FRY: variants seen among roughly 807,000 people sequenced by gnomAD.
The protein encoded by FRY is protein furry homolog.
A neutral mutation model predicts 348.4 loss-of-function variants in FRY; 128 were observed. That is an observed-to-expected ratio of 0.37 (90% CI 0.32 to 0.43). The LOEUF is 0.43. Among genes scored for constraint, FRY ranks in the 20% least tolerant of loss-of-function variants. FRY has a pLI of 1.00. For missense variants in FRY, 2,736 were observed against 3,695.2 expected, an observed-to-expected ratio of 0.74 and a Z score of 6.73; for synonymous variants, 1,370 against 1,374.7, an observed-to-expected ratio of 1.00 and a Z score of 0.08.
At chr13:32,228,231 C>T (rs1885703084) in intron 39 of FRY, among the ~76,000 whole-genome samples, 1 of 152,182 alleles carries the variant, frequency 6.6e-6, no homozygotes, top group Non-Finnish European at 1.5e-5. Context: ...CAGCAGATCA[C>T]CTCCTATTCC....
chr13:32,134,319 A>G (rs2138771084), intron 8 of FRY, among the ~76,000 whole-genome samples: 1 of 152,320 alleles, frequency 6.6e-6, no homozygotes, highest in South Asian at 2.1e-4. Context: ...TTCTTAAGGA[A>G]CCCTTCTAAA....
rs754413786 is a variant in FRY at position 32,108,373 on chromosome 13, G to A, written c.324+6357G>A. ...GAAGATAGGAAATTTCAGAAGAAAGGAACATTTTATGCAAAGGTCCTGAAC... is the reference window on the plus strand; with the variant it reads ...GAAGATAGGAAATTTCAGAAGAAAGAAACATTTTATGCAAAGGTCCTGAAC... On this transcript the variant is annotated intron_variant, in intron 3 of 60. Transcript: ENST00000542859. Among the ~76,000 whole-genome samples the A allele has an allele frequency of 3.9e-4, 60 of 152,186 alleles. 1 individual carries two copies. Among genetic ancestry groups the A allele is most frequent in the Admixed American group, 3.3e-4 (5 of 15,270 alleles).
chr13:32,259,418 A>G (rs1887512121), intron 51 of FRY, among the ~76,000 whole-genome samples: 1 of 152,076 alleles, frequency 6.6e-6, no homozygotes, highest in African/African-American at 2.4e-5. Context: ...CTGCCTCCCT[A>G]TTTTCACACC....
chr13:32,076,496 C>T (rs1875067814), intron 1 of FRY, among the ~76,000 whole-genome samples: 1 of 152,104 alleles, frequency 6.6e-6, no homozygotes. Flanking sequence ...GTGGCCAGGA[C>T]CTCATTTTCA....
chr13:32,288,422 C>T (rs193022964), intron 58 of FRY, among the ~76,000 whole-genome samples: 1 of 152,142 alleles, frequency 6.6e-6, no homozygotes, highest in Non-Finnish European at 1.5e-5. Context: ...AATTGGTTTT[C>T]CCCTAAAGAG....
intron 31 of FRY, among the ~76,000 whole-genome samples, chr13:32,202,829 A>G (rs1437978753): frequency 6.6e-6 from 1 of 152,020 alleles, no homozygotes; most frequent in Non-Finnish European, 1.5e-5. Flanking sequence ...GTGTGCCTGT[A>G]ATCCCAGCTA....
intron 8 of FRY, among the ~76,000 whole-genome samples, chr13:32,132,966 T>C (rs1879461667): frequency 6.6e-6 from 1 of 152,206 alleles, no homozygotes; most frequent in South Asian, 2.1e-4. Flanking sequence ...ATTCTGTTTA[T>C]ATGGAATGTC....
At chr13:32,275,467 A>G (rs1361922584) in intron 56 of FRY, among the ~76,000 whole-genome samples, 2 of 152,210 alleles carry the variant, frequency 1.3e-5, no homozygotes, top group African/African-American at 2.4e-5. Flanking sequence ...TCTGCAATAT[A>G]AATACTGCAT....
At chr13:32,064,771 C>T (rs73454827) in intron 1 of FRY, among the ~76,000 whole-genome samples, 3,657 of 152,308 alleles carry the variant, frequency 0.024, 150 homozygotes, top group African/African-American at 0.085. Context: ...AATCTATCTT[C>T]ATATTCTCCA....
chr13:32,293,899 A>G (rs1384265815), intron 59 of FRY, among the ~76,000 whole-genome samples: 1 of 152,186 alleles, frequency 6.6e-6, no homozygotes, highest in East Asian at 1.9e-4. Context: ...TTTTGTATAT[A>G]TTATTTCCAC....
chr13:32,144,265 G>GTT (rs113250288), intron 11 of FRY, among the ~76,000 whole-genome samples: 6,778 of 146,888 alleles, frequency 0.046, 472 homozygotes, highest in African/African-American at 0.15. Flanking sequence ...AAAAAGCCAG[G>GTT]TTTTTTTTTC....
At chr13:32,076,566 G>A (rs908769560) in intron 1 of FRY, among the ~76,000 whole-genome samples, 17 of 152,036 alleles carry the variant, frequency 1.1e-4, no homozygotes, top group Admixed American at 4.6e-4. Flanking sequence ...AACTGCTTGC[G>A]GTACCATTTA....
In FRY at chr13:32,237,668, A is replaced by G; in HGVS notation, c.6100A>G (p.Ile2034Val). The change falls in exon 44 of 61, where the codon ATA (isoleucine) becomes GTA (valine). Residue 2034 changes from isoleucine (I) to valine (V), a missense_variant. By Grantham distance (29) the Ile-to-Val change is conservative. Coordinates refer to ENST00000542859, the MANE Select transcript of FRY (RefSeq NM_023037.3). This position sits in a 1 kb window ranked among gnomAD's most constrained non-coding sequence, Gnocchi z 6.3. ...GGACAGTCTCACGGACCCATCCCAC[A>G]TAAACCATCCCACCAACCTGCTGGC... Reference protein sequence around the residue: ...LKDSLTDPSHINHPTNLLATI... With the variant: ...LKDSLTDPSHVNHPTNLLATI... 6.2e-7 allele frequency: 1 copy of G among 1,614,178 alleles called. No individual in the cohort carries two copies. The highest frequency in any genetic ancestry group is 8.5e-7 in the Non-Finnish European group (1 of 1,180,028).
At chr13:32,208,784 C>T (rs1472556601) in intron 31 of FRY, 69 bp from the exon 32 acceptor site, 14 of 1,569,172 alleles carry the variant, frequency 8.9e-6, no homozygotes, top group Non-Finnish European at 1.2e-5. Flanking sequence ...TGCAAGTTGG[C>T]ATTTGAATTT....
At chr13:32,170,892 G>T in intron 17 of FRY, 120 bp from the exon 18 acceptor site, 1 of 793,464 alleles carries the variant, frequency 1.3e-6, no homozygotes, top group Admixed American at 2.0e-5. Context: ...CAAAAAATAA[G>T]GGAGACCCAT....
intron 11 of FRY, among the ~76,000 whole-genome samples, chr13:32,143,135 C>T (rs939375895): frequency 3.3e-5 from 5 of 152,138 alleles, no homozygotes; most frequent in Non-Finnish European, 5.9e-5. Context: ...TCACAAAAGG[C>T]CCCTCATGTG....
At chr13:32,290,267 A>G (rs557419620) in intron 59 of FRY, among the ~76,000 whole-genome samples, 4 of 152,312 alleles carry the variant, frequency 2.6e-5, no homozygotes, top group African/African-American at 9.6e-5. Context: ...AAATTTTTCT[A>G]CAAATGAAGA....
At position 32,234,600 on chromosome 13, in the gene FRY, G is replaced by A; in HGVS notation, c.5554G>A (p.Glu1852Lys). The A allele has an allele frequency of 6.2e-7, 1 of 1,614,134 alleles. No homozygotes were observed. The highest frequency in any genetic ancestry group is 8.5e-7 in the Non-Finnish European group (1 of 1,180,014). ...SGFHLEHQLS[E>K]VALQTALASS... ...CTTCCATCTGGAGCACCAGTTGAGT[G>A]AAGTTGCATTGCAGACAGCCCTCGC... The change falls in exon 42 of 61, where the codon GAA becomes AAA. Residue 1852 changes from glutamate (E) to lysine (K), a missense_variant. Transcript: ENST00000542859.
In FRY at chr13:32,131,529, A is replaced by T. The variant is rs1307763790; in HGVS notation, c.717-143A>T. ...TCCTTTGCCAAATCCCAAACACCAA[A>T]TCCTTACAAAATCATGGCTGTTGTA... On this transcript the variant is annotated intron_variant, in intron 7 of 60. Transcript: ENST00000542859. 6.0e-6 allele frequency: 4 copies of T among 665,622 alleles called. No homozygotes were observed. In the Admixed American group the frequency reaches 7.4e-5, roughly 12 times the overall value. 41.2% of individuals were successfully genotyped at this position (665,622 alleles called of 1,614,324 possible).
Sources: allele counts gnomAD v4.1 joint callset (sites outside exome capture counted in the v4.1 genomes callset), GRCh38; gene constraint gnomAD v4.1.1; non-coding constraint Gnocchi (gnomAD v3.1); transcripts MANE v1.5; gene names NCBI Gene and HGNC (gene_info 2026-07-23, HGNC 2026-07-21).